SETD7: variants seen among roughly 807,000 people sequenced by gnomAD.
SETD7 encodes the protein SET domain containing 7, histone lysine methyltransferase.
In SETD7, 16 loss-of-function variants were observed where a neutral mutation model predicts 41.8. That is an observed-to-expected ratio of 0.38 (90% CI 0.26 to 0.58). SETD7 has a LOEUF of 0.58. SETD7 is among the 20% of genes least tolerant of loss of function. The pLI is 0.64. For missense variants in SETD7, 346 were observed against 459.7 expected (o/e 0.75, Z 2.26); for synonymous variants, 163 against 169.7 (o/e 0.96, Z 0.31).
Position 139,535,538 on chromosome 4 carries a change from G to C in SETD7, c.171-2172C>G, listed in dbSNP as rs1254830495. 5.9e-5 allele frequency among the ~76,000 whole-genome samples: 9 copies of C among 152,236 alleles called. No homozygotes were observed. In the East Asian group the frequency reaches 1.2e-3, roughly 20 times the overall value. The stretch of plus-strand genomic sequence containing the variant: ...GTTATGATCAAATCTACAAGAAACA[G>C]GTCTTGCAAATCAGACAAAAAATAA... On this transcript the variant is annotated intron_variant, in intron 2 of 7. Coordinates refer to ENST00000274031, the MANE Select transcript of SETD7 (RefSeq NM_030648.4).
At chr4:139,547,267 C>CTGAT (rs998513761) in intron 1 of SETD7, among the ~76,000 whole-genome samples, 1 of 152,196 alleles carries the variant, frequency 6.6e-6, no homozygotes, top group African/African-American at 2.4e-5. Context: ...ACTTTGTGAA[C>CTGAT]TGATAGGTCC....
intron 2 of SETD7, among the ~76,000 whole-genome samples, chr4:139,545,044 C>T (rs762243670): frequency 1.3e-5 from 2 of 151,188 alleles, no homozygotes; most frequent in African/African-American, 2.4e-5. Flanking sequence ...ACTTGTTGAA[C>T]GAATAAAAAA....
chr4:139,551,517 GAAT>G (rs1728109746), intron 1 of SETD7, among the ~76,000 whole-genome samples: 1 of 152,132 alleles, frequency 6.6e-6, no homozygotes, highest in Non-Finnish European at 1.5e-5. Context: ...GCTTCTTCCT[GAAT>G]CTGATAAGAG....
chr4:139,519,039 C>T (rs188560894), intron 6 of SETD7, among the ~76,000 whole-genome samples: 104 of 152,304 alleles, frequency 6.8e-4, no homozygotes, highest in Admixed American at 2.4e-3. Context: ...GTTTACTAAG[C>T]GGTACCATGT....
chr4:139,500,905 G>A (rs1424286906), intron 7 of SETD7, among the ~76,000 whole-genome samples: 1 of 152,088 alleles, frequency 6.6e-6, no homozygotes, highest in East Asian at 1.9e-4. Flanking sequence ...CCCACTGGCC[G>A]GTCCCCTGGC....
intron 7 of SETD7, among the ~76,000 whole-genome samples, chr4:139,498,522 C>T (rs1653491285): frequency 6.6e-6 from 1 of 152,208 alleles, no homozygotes; most frequent in African/African-American, 2.4e-5. Flanking sequence ...CCTACTTGAT[C>T]CTGGTGCTTC....
intron 3 of SETD7, among the ~76,000 whole-genome samples, chr4:139,530,927 C>A (rs1344642121): frequency 6.6e-6 from 1 of 152,120 alleles, no homozygotes; most frequent in Non-Finnish European, 1.5e-5. Flanking sequence ...CTTGTTCCTG[C>A]TATGGCCCAT....
chr4:139,545,618 A>G (rs1440605381), intron 2 of SETD7, among the ~76,000 whole-genome samples: 1 of 152,226 alleles, frequency 6.6e-6, no homozygotes, highest in Non-Finnish European at 1.5e-5. Flanking sequence ...AAAGTCATTT[A>G]GAAGGTTTTT....
chr4:139,517,848 G>A (rs202133942), intron 7 of SETD7, 37 bp downstream of exon 7: 1 of 1,589,624 alleles, frequency 6.3e-7, no homozygotes, highest in East Asian at 2.3e-5. Context: ...GGGCCCTGAG[G>A]CATAGATCCG....
intron 2 of SETD7, among the ~76,000 whole-genome samples, chr4:139,539,231 C>T (rs891019385): frequency 7.9e-5 from 12 of 152,040 alleles, no homozygotes; most frequent in Admixed American, 3.3e-4. Context: ...ATACAATAAC[C>T]GAGAGGAAAT....
chr4:139,512,520 C>A (rs1405578978), intron 7 of SETD7, among the ~76,000 whole-genome samples: 1 of 152,110 alleles, frequency 6.6e-6, no homozygotes, highest in Non-Finnish European at 1.5e-5. Context: ...CCTCTTGGGA[C>A]CAGAAACGAG....
intron 7 of SETD7, among the ~76,000 whole-genome samples, 184 bp from the exon 8 acceptor site, chr4:139,512,027 G>A (rs529013672): frequency 2.0e-5 from 3 of 152,152 alleles, no homozygotes; most frequent in Non-Finnish European, 2.9e-5. Flanking sequence ...GGAGCATCTC[G>A]GCCCCATCCC....
At chr4:139,551,484 C>CTGTT (rs1728108553) in intron 1 of SETD7, among the ~76,000 whole-genome samples, 2 of 152,182 alleles carry the variant, frequency 1.3e-5, no homozygotes, top group African/African-American at 4.8e-5. Context: ...TTACAATTTT[C>CTGTT]CCCTCTAGTT....
rs1727413760 is a variant in SETD7 at position 139,529,200 on chromosome 4, T to C, written c.393A>G (p.Gly131=). The C allele has an allele frequency of 1.2e-6, 2 of 1,613,348 alleles. No individual in the cohort carries two copies. Among genetic ancestry groups the C allele is most frequent in the Non-Finnish European group, 1.7e-6 (2 of 1,179,814 alleles). ...IYYPDGGSLV[G]EVNEDGEMTG... ...TCATCTCCCCATCTTCATTTACTTC[T>C]CCTACAAGGCTTCCTCCATCCTGAT... The change falls in exon 4 of 8, where the codon GGA becomes GGG. Residue 131 remains glycine (G), a synonymous_variant. Transcript: ENST00000274031.
chr4:139,537,266 C>T (rs1448728824), intron 2 of SETD7, among the ~76,000 whole-genome samples: 4 of 152,138 alleles, frequency 2.6e-5, no homozygotes, highest in Non-Finnish European at 5.9e-5. Flanking sequence ...TGAGCCACCG[C>T]GCCTGGCTGC....
chr4:139,494,414 A>T (rs1726416957), downstream of SETD7, among the ~76,000 whole-genome samples: 1 of 152,216 alleles, frequency 6.6e-6, no homozygotes, highest in African/African-American at 2.4e-5. Flanking sequence ...AGCAATTATT[A>T]TGACTAAACA....
intron 2 of SETD7, among the ~76,000 whole-genome samples, chr4:139,538,480 C>T (rs1267039178): frequency 6.6e-6 from 1 of 152,122 alleles, no homozygotes; most frequent in East Asian, 1.9e-4. Flanking sequence ...CAGGTGTGTG[C>T]CACCAAACCT....
chr4:139,543,669 T>C (rs1727839822), intron 2 of SETD7, among the ~76,000 whole-genome samples: 1 of 151,994 alleles, frequency 6.6e-6, no homozygotes, highest in South Asian at 2.1e-4. Context: ...AATTAGTGAA[T>C]TGGGTGGGCG....
At chr4:139,547,915 G>A (rs1483505929) in intron 1 of SETD7, 13 of 152,168 alleles carry the variant, frequency 8.5e-5, no homozygotes, top group African/African-American at 3.1e-4. Context: ...TTAAGTCACT[G>A]GTTATTCCTA....
Sources: allele counts gnomAD v4.1 joint callset (sites outside exome capture counted in the v4.1 genomes callset), GRCh38; gene constraint gnomAD v4.1.1; transcripts MANE v1.5; gene names NCBI Gene and HGNC (gene_info 2026-07-23, HGNC 2026-07-21).